Variants in RELN observed in about 807,000 individuals in gnomAD.
RELN encodes the protein reelin.
In RELN, 108 loss-of-function variants were observed where a neutral mutation model predicts 427.6. That is an observed-to-expected ratio of 0.25 (90% CI 0.22 to 0.30). The LOEUF is 0.30. Ranked by LOEUF, RELN falls within the 10% of genes least tolerant of loss-of-function variation. The pLI is 1.00. For missense variants in RELN, 3,715 were observed against 4,302.8 expected, an observed-to-expected ratio of 0.86 and a Z score of 3.82; for synonymous variants, 1,524 against 1,513.4, an observed-to-expected ratio of 1.01 and a Z score of -0.16.
At chr7:103,706,592 C>T (rs1834206526) in intron 8 of RELN, among the ~76,000 whole-genome samples, 1 of 152,082 alleles carries the variant, frequency 6.6e-6, no homozygotes, top group Non-Finnish European at 1.5e-5. Context: ...TCGACTTCTT[C>T]ACTATACTTC....
chr7:103,947,663 G>C (rs1183542926), intron 1 of RELN, among the ~76,000 whole-genome samples: 3 of 152,142 alleles, frequency 2.0e-5, no homozygotes, highest in African/African-American at 4.8e-5. Flanking sequence ...GTAGTACTTT[G>C]TTACAGCAGT....
chr7:103,660,453 C>T (rs1437866338), intron 12 of RELN, among the ~76,000 whole-genome samples: 2 of 152,166 alleles, frequency 1.3e-5, no homozygotes, highest in Non-Finnish European at 2.9e-5. Flanking sequence ...AATGAGTTAG[C>T]ATCACATAGG....
chr7:103,788,995 T>C (rs1480959702), intron 3 of RELN, among the ~76,000 whole-genome samples: 2 of 151,928 alleles, frequency 1.3e-5, no homozygotes, highest in Non-Finnish European at 1.5e-5. Flanking sequence ...AACAGATACA[T>C]AGACGAATGG....
At chr7:103,554,034 A>G (rs1438563665) in intron 38 of RELN, among the ~76,000 whole-genome samples, 2 of 152,166 alleles carry the variant, frequency 1.3e-5, no homozygotes, top group African/African-American at 2.4e-5. Flanking sequence ...AAAAATAAAA[A>G]AAATTAGCCA....
chr7:103,848,229 G>A (rs1245019353), intron 2 of RELN, among the ~76,000 whole-genome samples: 1 of 152,108 alleles, frequency 6.6e-6, no homozygotes, highest in Admixed American at 6.5e-5. Context: ...TGTTTAAATG[G>A]AAATTTTGTT....
chr7:103,812,815 G>A (rs1409258862), intron 3 of RELN, among the ~76,000 whole-genome samples: 1 of 152,066 alleles, frequency 6.6e-6, no homozygotes, highest in Non-Finnish European at 1.5e-5. Flanking sequence ...TCCATTTCAA[G>A]CTTCTATCTA....
intron 3 of RELN, among the ~76,000 whole-genome samples, chr7:103,795,380 C>G (rs1420736683): frequency 6.6e-6 from 1 of 152,146 alleles, no homozygotes; most frequent in African/African-American, 2.4e-5. Context: ...TTTAAAAGGT[C>G]TTTCCTGGAA....
chr7:103,639,138 A>C (rs549022582), intron 17 of RELN, among the ~76,000 whole-genome samples: 2 of 152,278 alleles, frequency 1.3e-5, no homozygotes, highest in East Asian at 3.9e-4. Context: ...ATATCAGCCA[A>C]TGTTTCATAG....
At position 103,711,741 on chromosome 7, in the gene RELN, C is replaced by G. The variant is rs532099414; in HGVS notation, c.806-10735G>C. 2.0e-5 allele frequency among the ~76,000 whole-genome samples: 3 copies of G among 152,272 alleles called. No individual in the cohort carries two copies. In the South Asian group the frequency reaches 6.2e-4, roughly 32 times the overall value. On this transcript the variant is annotated intron_variant, in intron 8 of 64. Transcript: ENST00000428762. Reference sequence around the variant, plus strand: ...GTATGATCACAGCTCACTGCAGGCTCAACCTCCTGGGCTCAAGGAATCCTC... The same window carrying G: ...GTATGATCACAGCTCACTGCAGGCTGAACCTCCTGGGCTCAAGGAATCCTC...
In RELN at chr7:103,835,367, G is replaced by A. The variant is rs111241265; in HGVS notation, c.338-1695C>T. Among the ~76,000 whole-genome samples the A allele has an allele frequency of 5.6e-4, 85 of 152,262 alleles. 3 individuals are homozygous for A. The highest frequency in any genetic ancestry group is 1.6e-3 in the African/African-American group (67 of 41,562). On this transcript the variant is annotated intron_variant, in intron 2 of 64. Transcript: ENST00000428762. ...ACTACTCTGTATGATACCGTATGGTGGATATGTGTCCTTATAAATGTATCC... is the reference window on the plus strand; with the variant it reads ...ACTACTCTGTATGATACCGTATGGTAGATATGTGTCCTTATAAATGTATCC...
chr7:103,825,264 G>A (rs1793107468), intron 3 of RELN, among the ~76,000 whole-genome samples: 1 of 151,980 alleles, frequency 6.6e-6, no homozygotes, highest in African/African-American at 2.4e-5. Flanking sequence ...GGGAAAGCAG[G>A]GACTGAGATC....
chr7:103,937,847 CCAGTCCTGGCAGCCTCTGCT>C (rs1442886445), intron 1 of RELN, among the ~76,000 whole-genome samples: 4 of 152,174 alleles, frequency 2.6e-5, no homozygotes, highest in African/African-American at 9.7e-5. Context: ...GCACAATCTG[CCAGTCCTGGCAGCCTCTGCT>C]CACTAACCAG....
chr7:103,540,202 C>G lies in RELN; in HGVS notation c.6925G>C (p.Asp2309His), dbSNP rs138978280. ...TTAATCCTGAAGGGACTGACCTGAT[C>G]GATAACCCAGGGGCTGTAGAAGTGC... ...NGHFYSPWVI[D>H]QILIGGNISG... Residue 2309 changes from aspartate (D) to histidine (H), a missense_variant, in exon 44 of 65, where the codon GAT becomes CAT. Physicochemically the swap from Asp to His is moderately conservative, Grantham distance 81. Around this residue, in one of 4 missense-constraint regions of RELN, gnomAD observed 1,310 missense variants for 1,643.0 expected, o/e 0.80. Transcript: ENST00000428762. The G allele has an allele frequency of 6.2e-7, 1 of 1,614,144 alleles. No individual in the cohort carries two copies. Among genetic ancestry groups the G allele is most frequent in the South Asian group, 1.1e-5 (1 of 91,070 alleles).
At chr7:103,727,079 C>A (rs979852076) in intron 7 of RELN, among the ~76,000 whole-genome samples, 1 of 152,074 alleles carries the variant, frequency 6.6e-6, no homozygotes, top group South Asian at 2.1e-4. Context: ...CATCTTACAA[C>A]AATTAATTGG....
At position 103,501,629 on chromosome 7, in the gene RELN, T is replaced by A. The variant is rs912155881; in HGVS notation, c.8490-707A>T. Among the ~76,000 whole-genome samples, 85 of 152,332 alleles carry A rather than the reference T, an allele frequency of 5.6e-4. 1 individual carries two copies. The highest frequency in any genetic ancestry group is 2.0e-3 in the African/African-American group (84 of 41,560). On this transcript the variant is annotated intron_variant, in intron 52 of 64. Transcript: ENST00000428762. ...TATAAATGTTCTGTATCTTGTTTTA[T>A]GTGGTGGTTACATGGGTTACACAAC... is the stretch of plus-strand genomic sequence containing the variant.
At chr7:103,961,227 C>T (rs1796546961) in intron 1 of RELN, among the ~76,000 whole-genome samples, 1 of 152,124 alleles carries the variant, frequency 6.6e-6, no homozygotes, top group South Asian at 2.1e-4. Flanking sequence ...TAATGAAAAA[C>T]CCATCTTTTT....
intron 8 of RELN, among the ~76,000 whole-genome samples, chr7:103,704,099 A>C (rs886900057): frequency 6.6e-6 from 1 of 152,198 alleles, no homozygotes; most frequent in Non-Finnish European, 1.5e-5. Context: ...TTTTTTGTGA[A>C]AGGTAGTTGG....
At position 103,701,474 on chromosome 7, in the gene RELN, A is replaced by G. The variant is rs564144519; in HGVS notation, c.806-468T>C. On this transcript the variant is annotated intron_variant, in intron 8 of 64. Transcript: ENST00000428762. ...GAGACAGTACATGAGAAACTAAAAT[A>G]CTGTAAAGAAAATTCAAATACTAAA... is the stretch of plus-strand genomic sequence containing the variant. Among the ~76,000 whole-genome samples, 204 of 152,250 alleles carry G rather than the reference A, an allele frequency of 1.3e-3. 1 individual carries two copies. Among genetic ancestry groups the G allele is most frequent in the African/African-American group, 4.7e-3 (195 of 41,566 alleles).
rs55899563 is a variant in RELN, at chr7:103,926,099, C to CTTTTTTTTTTTTT, written c.227-8927_227-8915dup. Reference sequence around the variant, plus strand: ...CATAAATATATGACCCCCACCCCGCCTTTTTTTTTTTTTTTTTTTTGAGAT... The same window carrying CTTTTTTTTTTTTT: ...CATAAATATATGACCCCCACCCCGCCTTTTTTTTTTTTTTTTTTTTTTTTTTTTTTTTTGAGAT... On this transcript the variant is annotated intron_variant, in intron 1 of 64. Transcript: ENST00000428762. Among the ~76,000 whole-genome samples, 22 of 90,072 alleles carry CTTTTTTTTTTTTT rather than the reference C, an allele frequency of 2.4e-4. 3 individuals carry two copies. The highest frequency in any genetic ancestry group is 4.4e-4 in the Admixed American group (3 of 6,878). The allele number at this position is 90,072 out of a possible 152,430, so 59.1% of individuals were successfully genotyped here. A position where few individuals can be genotyped will look rare whatever the true frequency, so the allele number is the denominator to read the frequency against.
Sources: gnomAD v4.1 joint callset for allele counts (sites outside exome capture counted in the v4.1 genomes callset) on GRCh38, gnomAD v4.1.1 for gene constraint, gnomAD v4.1.1 regional missense constraint, MANE v1.5 for transcripts, NCBI Gene and HGNC (gene_info 2026-07-23, HGNC 2026-07-21) for gene names.